The following RHBDD1 variants were observed in gnomAD, a reference collection of about 807,000 sequenced individuals.
RHBDD1 encodes the protein rhomboid-related protein 4.
Under a neutral mutation model 36.3 loss-of-function variants are expected in RHBDD1, and 38 were observed. That is an observed-to-expected ratio of 1.05 (90% CI 0.81 to 1.37). The LOEUF (loss-of-function observed/expected upper bound fraction) is 1.37. Ranked by LOEUF, RHBDD1 falls within the 40% of genes most tolerant of loss-of-function variation. The probability of loss-of-function intolerance (pLI) is 0.00; values close to 1 mark genes in which losing one functional copy is unlikely to be tolerated. For missense variants in RHBDD1, 393 were observed against 377.6 expected, an observed-to-expected ratio of 1.04 and a Z score of -0.34; for synonymous variants, 151 against 136.5, an observed-to-expected ratio of 1.11 and a Z score of -0.74.
chr2:226,882,145 A>G (rs1472429718), intron 5 of RHBDD1, among the ~76,000 whole-genome samples: 1 of 152,128 alleles, frequency 6.6e-6, no homozygotes, highest in Non-Finnish European at 1.5e-5. Context: ...AAGAAATGAT[A>G]TGGGCCGGGC....
intron 8 of RHBDD1, among the ~76,000 whole-genome samples, chr2:226,922,838 T>A (rs1004719323): frequency 2.0e-5 from 3 of 152,194 alleles, no homozygotes; most frequent in Admixed American, 6.5e-5. Context: ...GACCTTTTTT[T>A]AAACTGATAA....
At chr2:226,847,464 A>G (rs890369309) in intron 3 of RHBDD1, among the ~76,000 whole-genome samples, 2 of 152,120 alleles carry the variant, frequency 1.3e-5, no homozygotes, top group African/African-American at 4.8e-5. Flanking sequence ...TTATTTGCCC[A>G]TTTCCAAAAA....
intron 8 of RHBDD1, among the ~76,000 whole-genome samples, chr2:226,915,086 G>A (rs192975072): frequency 1.3e-5 from 2 of 152,158 alleles, no homozygotes; most frequent in Admixed American, 6.6e-5. Context: ...TTAACAATCT[G>A]TGTTTGGGCA....
chr2:226,959,794 A>G (rs1952045980), intron 8 of RHBDD1, among the ~76,000 whole-genome samples: 1 of 152,082 alleles, frequency 6.6e-6, no homozygotes, highest in Admixed American at 6.6e-5. Context: ...GGTCATGTGG[A>G]AAGTGTATGT....
intron 8 of RHBDD1, among the ~76,000 whole-genome samples, chr2:226,936,285 A>T (rs566737434): frequency 6.6e-6 from 1 of 152,152 alleles, no homozygotes; most frequent in Non-Finnish European, 1.5e-5. Flanking sequence ...TTGTGGTTAT[A>T]TCTACATTTA....
At chr2:226,974,607 G>A (rs1954221533) in intron 8 of RHBDD1, among the ~76,000 whole-genome samples, 2 of 152,150 alleles carry the variant, frequency 1.3e-5, no homozygotes, top group African/African-American at 4.8e-5. Context: ...CGTTGAACAA[G>A]GATGTACAAA....
rs1278178986 is a variant in RHBDD1 at position 226,838,055 on chromosome 2, C to A, written c.-391-18C>A. Reference sequence around the variant, plus strand: ...GTTTTTTAGATGCAGTATTTTCTTACAACTTTATCTCTTTCAGGGGTCCAT... The same window carrying A: ...GTTTTTTAGATGCAGTATTTTCTTAAAACTTTATCTCTTTCAGGGGTCCAT... On this transcript the variant is annotated intron_variant, in intron 1 of 8. Transcript: ENST00000392062. The A allele has an allele frequency of 6.6e-6, 1 of 152,166 alleles. No individual in the cohort carries two copies. The highest frequency in any genetic ancestry group is 1.5e-5 in the Non-Finnish European group (1 of 68,046). 9.4% of individuals were successfully genotyped at this position (152,166 alleles called of 1,614,324 possible). A position where few individuals can be genotyped will look rare whatever the true frequency, so the allele number is the denominator to read the frequency against.
Position 226,929,607 on chromosome 2 carries a change from C to T in RHBDD1, c.856+15256C>T, listed in dbSNP as rs114481464. 5.7e-3 allele frequency among the ~76,000 whole-genome samples: 866 copies of T among 152,084 alleles called. 10 individuals are homozygous for T. Among genetic ancestry groups the T allele is most frequent in the African/African-American group, 0.02 (818 of 41,510 alleles). On this transcript the variant is annotated intron_variant, in intron 8 of 8. Coordinates refer to ENST00000392062, the MANE Select transcript of RHBDD1 (RefSeq NM_001167608.3). Reference sequence around the variant, plus strand: ...AGAACTGGAACAAGATAAGGATGCCCGCTTTCACCACTCTATTCAACACAT... The same window carrying T: ...AGAACTGGAACAAGATAAGGATGCCTGCTTTCACCACTCTATTCAACACAT...
chr2:226,871,207 T>G (rs1252531249), intron 5 of RHBDD1, among the ~76,000 whole-genome samples: 1 of 152,188 alleles, frequency 6.6e-6, no homozygotes, highest in Non-Finnish European at 1.5e-5. Context: ...TTCAATTTAT[T>G]TTTCCACTTG....
At chr2:226,927,938 C>T (rs1949774733) in intron 8 of RHBDD1, among the ~76,000 whole-genome samples, 1 of 151,986 alleles carries the variant, frequency 6.6e-6, no homozygotes, top group Non-Finnish European at 1.5e-5. Context: ...TTTTGTGGCA[C>T]AAAAGTTTAT....
intron 5 of RHBDD1, among the ~76,000 whole-genome samples, chr2:226,881,614 T>G (rs2125398041): frequency 6.8e-6 from 1 of 146,488 alleles, no homozygotes; most frequent in East Asian, 2.0e-4. Context: ...CAGAACAAGG[T>G]GAAGTGCTGG....
chr2:226,952,063 G>A (rs1317223266), intron 8 of RHBDD1, among the ~76,000 whole-genome samples: 1 of 152,144 alleles, frequency 6.6e-6, no homozygotes, highest in Non-Finnish European at 1.5e-5. Context: ...GTAGCTAGTG[G>A]AGTTGGGGTG....
intron 8 of RHBDD1, among the ~76,000 whole-genome samples, chr2:226,988,001 C>T (rs1957378698): frequency 6.6e-6 from 1 of 152,104 alleles, no homozygotes; most frequent in Non-Finnish European, 1.5e-5. Flanking sequence ...GCCAGGGCTG[C>T]TAAAAAGCTG....
At chr2:226,907,215 A>T (rs912792089) in intron 6 of RHBDD1, among the ~76,000 whole-genome samples, 2 of 152,252 alleles carry the variant, frequency 1.3e-5, no homozygotes, top group African/African-American at 2.4e-5. Context: ...GCATTCTTCT[A>T]TAATAGTCCA....
chr2:226,868,598 A>G (rs757537663), intron 5 of RHBDD1, among the ~76,000 whole-genome samples: 3 of 152,102 alleles, frequency 2.0e-5, no homozygotes, highest in Non-Finnish European at 1.5e-5. Flanking sequence ...GAAGATTTCT[A>G]TTTGCTACTG....
chr2:226,854,072 G>A (rs1364907577), intron 3 of RHBDD1, among the ~76,000 whole-genome samples: 1 of 152,094 alleles, frequency 6.6e-6, no homozygotes, highest in Non-Finnish European at 1.5e-5. Flanking sequence ...TTATTGGGAG[G>A]TATGTAAATA....
At chr2:226,988,317 C>A (rs766381556) in intron 8 of RHBDD1, 2 of 1,547,656 alleles carry the variant, frequency 1.3e-6, no homozygotes, top group South Asian at 1.2e-5. Flanking sequence ...CTGTGCCCCA[C>A]CTGAACATCT....
intron 8 of RHBDD1, among the ~76,000 whole-genome samples, chr2:226,980,873 ATAAT>A (rs779609613): frequency 6.6e-5 from 10 of 152,330 alleles, no homozygotes; most frequent in East Asian, 3.9e-4. Flanking sequence ...GAATTTATAA[ATAAT>A]TAATGTCTAT....
upstream of RHBDD1, among the ~76,000 whole-genome samples, chr2:226,835,207 G>A (rs572098065): frequency 1.2e-4 from 18 of 152,274 alleles, no homozygotes; most frequent in Admixed American, 9.8e-4. Context: ...TACCGCGCCC[G>A]GCTGTAAGAT....
Sources: allele counts gnomAD v4.1 joint callset (sites outside exome capture counted in the v4.1 genomes callset), GRCh38; gene constraint gnomAD v4.1.1; transcripts MANE v1.5; gene names NCBI Gene and HGNC (gene_info 2026-07-23, HGNC 2026-07-21).